GOLGA6L9: variants seen among roughly 807,000 people sequenced by gnomAD.
GOLGA6L9 encodes the protein golgin subfamily A member 6-like protein 9.
Under a neutral mutation model 51.3 loss-of-function variants are expected in GOLGA6L9, and 19 were observed. The observed-to-expected ratio is 0.37, with a 90% CI of 0.26 to 0.54. The LOEUF is 0.54. GOLGA6L9 is among the 20% of genes least tolerant of loss of function. The pLI, the probability that GOLGA6L9 is intolerant of heterozygous loss-of-function variation, is 0.83. For synonymous variants in GOLGA6L9, 97 were observed against 184.2 expected (o/e 0.53, Z 3.83); for missense variants, 247 against 464.1 (o/e 0.53, Z 4.30).
the GOLGA6L9 span, among the ~76,000 whole-genome samples, chr15:82,417,081 T>G: frequency 6.6e-6 from 1 of 152,230 alleles, no homozygotes; most frequent in Admixed American, 6.5e-5. Flanking sequence ...TCCTGGACAT[T>G]TCATATAAAT....
chr15:82,436,534 A>G lies in GOLGA6L9; in HGVS notation c.*123A>G. ...TTTGTGTTTCTAATTTATAGTTTAA[A>G]TTTATTTGTGTTTCTAATTTATAGT... On this transcript the variant is annotated 3_prime_UTR_variant, in exon 9 of 9. Coordinates refer to ENST00000618348, the MANE Select transcript of GOLGA6L9 (RefSeq NM_198181.4). 1 of 1,333,192 alleles carries G rather than the reference A, an allele frequency of 7.5e-7. No individual in the cohort carries two copies. The highest frequency in any genetic ancestry group is 1.0e-6 in the Non-Finnish European group (1 of 994,236). The allele number at this position is 1,333,192 out of a possible 1,614,324, so 82.6% of individuals were successfully genotyped here. A position where few individuals can be genotyped will look rare whatever the true frequency, so the allele number is the denominator to read the frequency against.
Position 82,436,467 on chromosome 15 carries a change from A to G in GOLGA6L9, c.*56A>G. 3.9e-6 allele frequency: 6 copies of G among 1,540,642 alleles called. No individual in the cohort carries two copies. Among genetic ancestry groups the G allele is most frequent in the Non-Finnish European group, 5.3e-6 (6 of 1,136,738 alleles). The stretch of plus-strand genomic sequence containing the variant: ...AAAACATTTAAGGGGTTAATATCCT[A>G]CACAATTCATTTACTTCATTTGAAT... On this transcript the variant is annotated 3_prime_UTR_variant, in exon 9 of 9. Transcript: ENST00000618348.
At chr15:82,427,461 C>T (rs2031234461), upstream of GOLGA6L9, among the ~76,000 whole-genome samples, 1 of 152,236 alleles carries the variant, frequency 6.6e-6, no homozygotes, top group Admixed American at 6.5e-5. Context: ...TCCAAAGTCA[C>T]ATTTCACTTA....
rs2031699942 is a variant in GOLGA6L9, at chr15:82,436,646, AT to A, written c.*238del. On this transcript the variant is annotated 3_prime_UTR_variant, in exon 9 of 9. Coordinates refer to ENST00000618348, the MANE Select transcript of GOLGA6L9 (RefSeq NM_198181.4). ...AATTTATTTTTGTTTCTAATTTATA[AT>A]TTAAATTTATTTGTAAAAAGTTAAA... 2.9e-6 allele frequency: 1 copy of A among 345,370 alleles called. No individual in the cohort carries two copies. Among genetic ancestry groups the A allele is most frequent in the Non-Finnish European group, 4.9e-6 (1 of 206,022 alleles). 21.4% of individuals were successfully genotyped at this position (345,370 alleles called of 1,614,324 possible). A position where few individuals can be genotyped will look rare whatever the true frequency, so the allele number is the denominator to read the frequency against.
chr15:82,437,104 A>G lies in GOLGA6L9; in HGVS notation c.*693A>G, dbSNP rs2150832866. On this transcript the variant is annotated 3_prime_UTR_variant, in exon 9 of 9. Transcript: ENST00000618348. ...TTGGCAGGTGTGTGCAGGATAGAATATGTTTCATTTGTTCCGGTGCCAAGA... is the reference window on the plus strand; with the variant it reads ...TTGGCAGGTGTGTGCAGGATAGAATGTGTTTCATTTGTTCCGGTGCCAAGA... 6.8e-6 allele frequency: 1 copy of G among 146,906 alleles called. No individual in the cohort carries two copies. Among genetic ancestry groups the G allele is most frequent in the South Asian group, 2.1e-4 (1 of 4,682 alleles). 9.1% of individuals were successfully genotyped at this position (146,906 alleles called of 1,614,324 possible).
upstream of GOLGA6L9, among the ~76,000 whole-genome samples, chr15:82,429,266 G>C (rs1256218378): frequency 7.2e-5 from 11 of 152,038 alleles, no homozygotes; most frequent in East Asian, 5.8e-4. Context: ...GTAGAGACAG[G>C]GTTTCTTCAT....
At chr15:82,417,305 CTTGA>C in the GOLGA6L9 span, among the ~76,000 whole-genome samples, 1 of 152,038 alleles carries the variant, frequency 6.6e-6, no homozygotes, top group African/African-American at 2.4e-5. Flanking sequence ...CCCTAGTATT[CTTGA>C]ACTGTCTCAA....
rs1242283354 is a variant in GOLGA6L9 at position 82,430,160 on chromosome 15, A to G, written c.81A>G (p.Lys27=). 2 of 771,326 alleles carry G rather than the reference A, an allele frequency of 2.6e-6. No individual in the cohort carries two copies. Among genetic ancestry groups the G allele is most frequent in the East Asian group, 2.8e-5 (1 of 36,288 alleles). The allele number at this position is 771,326 out of a possible 1,614,324, so 47.8% of individuals were successfully genotyped here. A position where few individuals can be genotyped will look rare whatever the true frequency, so the allele number is the denominator to read the frequency against. ...AGGGGAAATTGGCCGCAGCCAAGAAAAAGGTAAAACACACCAGGTCATGGC... is the reference window on the plus strand; with the variant it reads ...AGGGGAAATTGGCCGCAGCCAAGAAGAAGGTAAAACACACCAGGTCATGGC... ...TQQGKLAAAK[K]KLKAYWQRKS... is the part of the protein sequence containing the mutation. Residue 27 remains lysine (K), a synonymous_variant, in exon 1 of 9, where the codon AAA becomes AAG. Transcript: ENST00000618348.
chr15:82,436,773 G>A lies in GOLGA6L9; in HGVS notation c.*362G>A, dbSNP rs1203965156. 1 of 178,514 alleles carries A rather than the reference G, an allele frequency of 5.6e-6. No individual in the cohort carries two copies. Among genetic ancestry groups the A allele is most frequent in the Non-Finnish European group, 1.1e-5 (1 of 88,602 alleles). 11.1% of individuals were successfully genotyped at this position (178,514 alleles called of 1,614,324 possible). On this transcript the variant is annotated 3_prime_UTR_variant, in exon 9 of 9. Coordinates refer to ENST00000618348, the MANE Select transcript of GOLGA6L9 (RefSeq NM_198181.4). ...GCATGCATATCGAGTTTGCCCTTAT[G>A]TGGTGGGAGTTCAAACACACAAAGA...
chr15:82,416,805 A>T, the GOLGA6L9 span, among the ~76,000 whole-genome samples: 788 of 152,270 alleles, frequency 5.2e-3, 18 homozygotes, highest in Admixed American at 0.043. Flanking sequence ...CTATGATTCT[A>T]TCCTTTATTT....
At chr15:82,432,529 AG>A in intron 2 of GOLGA6L9, 42 bp from the exon 3 acceptor site, 1 of 1,594,920 alleles carries the variant, frequency 6.3e-7, no homozygotes. Context: ...TTAGACAGTG[AG>A]GGGGGACAGA....
upstream of GOLGA6L9, among the ~76,000 whole-genome samples, chr15:82,427,340 C>G (rs1332988526): frequency 2.2e-5 from 2 of 92,770 alleles, no homozygotes; most frequent in Non-Finnish European, 4.4e-5. Context: ...TTCTTTCTCT[C>G]TTTTTCTTTC....
rs1595951749 is a variant in GOLGA6L9 at position 82,438,532 on chromosome 15, A to T, written c.*2121A>T. 6.7e-6 allele frequency: 1 copy of T among 149,624 alleles called. No individual in the cohort carries two copies. Among genetic ancestry groups the T allele is most frequent in the South Asian group, 2.1e-4 (1 of 4,784 alleles). 9.3% of individuals were successfully genotyped at this position (149,624 alleles called of 1,614,324 possible). ...GTATTTGTTCTCTACCTCATTCAGT[A>T]TAAGGCAGCCTTTAATTTGCTTAGA... On this transcript the variant is annotated 3_prime_UTR_variant, in exon 9 of 9. Transcript: ENST00000618348.
Position 82,432,900 on chromosome 15 carries a change from AAG to A in GOLGA6L9, c.345+6_345+7del. 2 of 1,609,946 alleles carry A rather than the reference AAG, an allele frequency of 1.2e-6. No individual in the cohort carries two copies. Among genetic ancestry groups the A allele is most frequent in the Non-Finnish European group, 8.5e-7 (1 of 1,178,160 alleles). ...TCACTGAAAACATCAATTCACTGGT[AAG>A]AGTCCAGTGGGGTCCCCTGATTACA... On this transcript the variant is annotated splice_donor_5th_base_variant and intron_variant, in intron 4 of 8. Coordinates refer to ENST00000618348, the MANE Select transcript of GOLGA6L9 (RefSeq NM_198181.4).
chr15:82,429,349 A>G (rs1391509438), upstream of GOLGA6L9, among the ~76,000 whole-genome samples: 8 of 152,296 alleles, frequency 5.3e-5, no homozygotes, highest in Admixed American at 1.3e-4. Flanking sequence ...TGATGGCATT[A>G]CAGGGGTGAG....
At chr15:82,433,237 G>A (rs1475236094) in intron 4 of GOLGA6L9, among the ~76,000 whole-genome samples, 306 of 151,698 alleles carry the variant, frequency 2.0e-3, no homozygotes, top group African/African-American at 6.9e-3. Flanking sequence ...TTTGAGTCTG[G>A]ACAAGCCATC....
upstream of GOLGA6L9, among the ~76,000 whole-genome samples, chr15:82,429,131 G>A (rs2031303392): frequency 6.6e-6 from 1 of 151,474 alleles, no homozygotes; most frequent in East Asian, 1.9e-4. Context: ...CTGGAGTGCA[G>A]TGGCATGAGC....
intron 6 of GOLGA6L9, 67 bp from the exon 7 acceptor site, chr15:82,434,801 GA>G (rs1389506996): frequency 8.9e-7 from 1 of 1,128,788 alleles, no homozygotes; most frequent in Non-Finnish European, 1.3e-6. Flanking sequence ...GGTGCCATGG[GA>G]GGCAGACACT....
chr15:82,430,223 C>A, intron 1 of GOLGA6L9, 60 bp downstream of exon 1: 2 of 512,024 alleles, frequency 3.9e-6, no homozygotes, highest in Non-Finnish European at 6.6e-6. Flanking sequence ...ATGACAAGAC[C>A]GGTGCCAGAG....
Sources: gnomAD v4.1 joint callset for allele counts (sites outside exome capture counted in the v4.1 genomes callset) on GRCh38, gnomAD v4.1.1 for gene constraint, MANE v1.5 for transcripts, NCBI Gene and HGNC (gene_info 2026-07-23, HGNC 2026-07-21) for gene names.